Variants in CDH13 observed in about 807,000 individuals in gnomAD.
The protein encoded by CDH13 is cadherin-13.
A neutral mutation model predicts 63.8 loss-of-function variants in CDH13; 24 were observed. The ratio of observed to expected loss-of-function variants is 0.38; its 90% CI spans 0.27 to 0.53. The LOEUF is 0.53. Among genes scored for constraint, CDH13 ranks in the 20% least tolerant of loss-of-function variants. The pLI, the probability that CDH13 is intolerant of heterozygous loss-of-function variation, is 0.85. For missense variants in CDH13, 1,049 were observed against 903.1 expected, an observed-to-expected ratio of 1.16 and a Z score of -2.07; for synonymous variants, 503 against 355.3, an observed-to-expected ratio of 1.42 and a Z score of -4.67.
chr16:82,677,168 C>T (rs113664164), intron 1 of CDH13, among the ~76,000 whole-genome samples: 21,119 of 152,220 alleles, frequency 0.14, 1,812 homozygotes, highest in Middle Eastern at 0.26. Flanking sequence ...AGGAGTGAGC[C>T]ACTGCGCCTG....
chr16:82,659,276 T>A (rs1239702127), intron 1 of CDH13, among the ~76,000 whole-genome samples: 1 of 152,144 alleles, frequency 6.6e-6, no homozygotes, highest in East Asian at 1.9e-4. Context: ...GCCAGCAGCA[T>A]TGTGGAAATT....
chr16:83,017,437 C>T (rs1192423205), intron 2 of CDH13, among the ~76,000 whole-genome samples: 1 of 152,196 alleles, frequency 6.6e-6, no homozygotes, highest in Admixed American at 6.5e-5. Flanking sequence ...GGAATCCACT[C>T]TCTTTCCCAA....
At chr16:82,844,040 G>C (rs1347845159) in intron 1 of CDH13, among the ~76,000 whole-genome samples, 1 of 152,214 alleles carries the variant, frequency 6.6e-6, no homozygotes, top group Non-Finnish European at 1.5e-5. Context: ...GGCTGTGGTA[G>C]GCTGAGTAAT....
At chr16:83,385,084 A>G (rs2091646478) in intron 6 of CDH13, among the ~76,000 whole-genome samples, 1 of 152,250 alleles carries the variant, frequency 6.6e-6, no homozygotes, top group African/African-American at 2.4e-5. Flanking sequence ...GTAATGGGTC[A>G]TGAAATTGCA....
intron 1 of CDH13, among the ~76,000 whole-genome samples, chr16:82,657,846 A>G (rs1911474247): frequency 6.6e-6 from 1 of 152,190 alleles, no homozygotes; most frequent in Non-Finnish European, 1.5e-5. Context: ...TCTTACATAG[A>G]TAATCATTTT....
chr16:82,785,659 C>G (rs2035968653), intron 1 of CDH13, among the ~76,000 whole-genome samples: 1 of 152,202 alleles, frequency 6.6e-6, no homozygotes, highest in Non-Finnish European at 1.5e-5. Context: ...TAAAACCACC[C>G]ATGGATTCCT....
intron 11 of CDH13, among the ~76,000 whole-genome samples, chr16:83,759,936 TA>T (rs11329988): frequency 0.59 from 78,946 of 133,032 alleles, 22,212 homozygotes; most frequent in African/African-American, 0.65. Flanking sequence ...TCAAAACCAA[TA>T]AAAAAAAAAA....
intron 6 of CDH13, among the ~76,000 whole-genome samples, chr16:83,403,540 G>A (rs942402894): frequency 3.3e-5 from 5 of 152,026 alleles, no homozygotes; most frequent in African/African-American, 7.2e-5. Flanking sequence ...GGAGAGTGGC[G>A]TGAACCTGGG....
intron 4 of CDH13, among the ~76,000 whole-genome samples, chr16:83,173,838 G>C (rs911313557): frequency 6.6e-6 from 1 of 151,924 alleles, no homozygotes; most frequent in African/African-American, 2.4e-5. Flanking sequence ...CATCCATCTT[G>C]CTGTCCTTCA....
At chr16:83,435,269 C>G (rs559400113) in intron 6 of CDH13, among the ~76,000 whole-genome samples, 9 of 152,214 alleles carry the variant, frequency 5.9e-5, no homozygotes, top group Admixed American at 5.2e-4. Flanking sequence ...GTCTCAAACT[C>G]CTGACTTCAG....
At chr16:82,961,150 C>A (rs778352081) in intron 2 of CDH13, among the ~76,000 whole-genome samples, 5 of 152,200 alleles carry the variant, frequency 3.3e-5, no homozygotes, top group Non-Finnish European at 7.3e-5. Context: ...CCGACTCAGG[C>A]TTCATCCCAG....
At chr16:83,371,040 G>A (rs1597853326) in intron 6 of CDH13, among the ~76,000 whole-genome samples, 1 of 152,162 alleles carries the variant, frequency 6.6e-6, no homozygotes, top group East Asian at 1.9e-4. Context: ...CGAAACAGGT[G>A]CTGGCAAGGT....
intron 1 of CDH13, among the ~76,000 whole-genome samples, chr16:82,790,052 T>C (rs2036218667): frequency 6.6e-6 from 1 of 152,166 alleles, no homozygotes; most frequent in Admixed American, 6.5e-5. Flanking sequence ...ATTCTGGTGC[T>C]ATAGGGGGGT....
chr16:83,031,836 C>G (rs191533614), intron 2 of CDH13, among the ~76,000 whole-genome samples, 174 bp from the exon 3 acceptor site: 2 of 152,276 alleles, frequency 1.3e-5, no homozygotes, highest in East Asian at 1.9e-4. Context: ...TGAGTGAAGT[C>G]CATCAGCACA....
At chr16:82,804,363 G>C (rs887366803) in intron 1 of CDH13, among the ~76,000 whole-genome samples, 1 of 151,402 alleles carries the variant, frequency 6.6e-6, no homozygotes, top group African/African-American at 2.4e-5. Flanking sequence ...AGAGGTGATG[G>C]ATATATTTAC....
At chr16:82,962,173 T>C (rs1003344582) in intron 2 of CDH13, among the ~76,000 whole-genome samples, 4 of 152,274 alleles carry the variant, frequency 2.6e-5, no homozygotes, top group Middle Eastern at 6.8e-3. Flanking sequence ...TCTGAGCGTA[T>C]CCTAAATTGA....
intron 1 of CDH13, among the ~76,000 whole-genome samples, chr16:82,660,336 G>A (rs1911786179): frequency 6.6e-6 from 1 of 152,048 alleles, no homozygotes; most frequent in Non-Finnish European, 1.5e-5. Flanking sequence ...TTAAGTCAAG[G>A]GTGGTATTTA....
rs576404299 is a variant in CDH13, at chr16:83,591,232, T to G, written c.961-11222T>G. Reference sequence around the variant, plus strand: ...CTGGACAAGCACTTTCAAGAAGCAGTGACTCTGACTCTATGTCTTACGTAC... The same window carrying G: ...CTGGACAAGCACTTTCAAGAAGCAGGGACTCTGACTCTATGTCTTACGTAC... On this transcript the variant is annotated intron_variant, in intron 7 of 13. Coordinates refer to ENST00000567109, the MANE Select transcript of CDH13 (RefSeq NM_001257.5). Among the ~76,000 whole-genome samples, 4 of 152,310 alleles carry G rather than the reference T, an allele frequency of 2.6e-5. No individual in the cohort carries two copies. In the South Asian group the frequency reaches 6.2e-4, roughly 24 times the overall value.
intron 1 of CDH13, among the ~76,000 whole-genome samples, chr16:82,708,214 C>G (rs1436329485): frequency 6.6e-6 from 1 of 152,174 alleles, no homozygotes; most frequent in Non-Finnish European, 1.5e-5. Context: ...GGTCATATGC[C>G]ACATACAGCT....
Sources: gnomAD v4.1 joint callset for allele counts (sites outside exome capture counted in the v4.1 genomes callset) on GRCh38, gnomAD v4.1.1 for gene constraint, MANE v1.5 for transcripts, NCBI Gene and HGNC (gene_info 2026-07-23, HGNC 2026-07-21) for gene names.